The following GFPT2 variants were observed in gnomAD, a reference collection of about 807,000 sequenced individuals.
GFPT2 encodes the protein glutamine--fructose-6-phosphate aminotransferase [isomerizing] 2.
A neutral mutation model predicts 85.6 loss-of-function variants in GFPT2; 62 were observed. The ratio of observed to expected loss-of-function variants is 0.72; its 90% CI spans 0.59 to 0.90. The LOEUF (loss-of-function observed/expected upper bound fraction) is 0.90, where lower values mean the gene tolerates loss of function less well. Among genes scored for constraint, GFPT2 ranks in the 40% least tolerant of loss-of-function variants. GFPT2 has a pLI of 0.00. For missense variants in GFPT2, 788 were observed against 893.4 expected, an observed-to-expected ratio of 0.88 and a Z score of 1.50; for synonymous variants, 368 against 344.5, an observed-to-expected ratio of 1.07 and a Z score of -0.75.
intron 16 of GFPT2, among the ~76,000 whole-genome samples, chr5:180,305,330 CTTCAG>C (rs571752824): frequency 8.1e-4 from 124 of 152,322 alleles, no homozygotes; most frequent in African/African-American, 2.9e-3. Flanking sequence ...TTAGCTACAC[CTTCAG>C]TTAATTATCT....
Position 180,301,492 on chromosome 5 carries a change from G to A in GFPT2, c.*72C>T. The A allele has an allele frequency of 8.0e-7, 1 of 1,256,918 alleles. No individual in the cohort carries two copies. The highest frequency in any genetic ancestry group is 1.2e-6 in the Non-Finnish European group (1 of 853,902). The allele number at this position is 1,256,918 out of a possible 1,614,324, so 77.9% of individuals were successfully genotyped here. On this transcript the variant is annotated 3_prime_UTR_variant, in exon 19 of 19. Coordinates refer to ENST00000253778, the MANE Select transcript of GFPT2 (RefSeq NM_005110.4). ...GTGGGATGTCCACTTCTCTTCCCAT[G>A]TAGCATCCCTGCTGTTGGGACAGGT...
In GFPT2 at chr5:180,316,744, C is replaced by A. The variant is rs371202358; in HGVS notation, c.1152+20G>T. 6.4e-7 allele frequency: 1 copy of A among 1,551,430 alleles called. No individual in the cohort carries two copies. Among genetic ancestry groups the A allele is most frequent in the Non-Finnish European group, 8.9e-7 (1 of 1,124,564 alleles). On this transcript the variant is annotated intron_variant, in intron 12 of 18. Transcript: ENST00000253778. Reference sequence around the variant, plus strand: ...TCCTAGACTGCCGTCGACTTCCCCACGCACATGTGTCACACTTACAGCCAC... The same window carrying A: ...TCCTAGACTGCCGTCGACTTCCCCAAGCACATGTGTCACACTTACAGCCAC...
intron 10 of GFPT2, among the ~76,000 whole-genome samples, chr5:180,317,511 G>A (rs1353059240): frequency 6.9e-6 from 1 of 145,064 alleles, no homozygotes; most frequent in Non-Finnish European, 1.5e-5. Flanking sequence ...TGTAATCCCA[G>A]CACTTTGGGA....
chr5:180,347,107 G>C (rs1373720857), intron 1 of GFPT2, among the ~76,000 whole-genome samples: 1 of 152,240 alleles, frequency 6.6e-6, no homozygotes, highest in Non-Finnish European at 1.5e-5. Flanking sequence ...GCTGGACAGG[G>C]AGGTGCCTTC....
chr5:180,304,638 C>G, intron 17 of GFPT2, 134 bp downstream of exon 17: 2 of 818,360 alleles, frequency 2.4e-6, no homozygotes, highest in South Asian at 1.6e-5. Flanking sequence ...CCACAGGCGG[C>G]CCGGGGGAGG....
At chr5:180,338,689 T>C in intron 1 of GFPT2, 89 bp from the exon 2 acceptor site, 1 of 738,440 alleles carries the variant, frequency 1.4e-6, no homozygotes, top group South Asian at 1.7e-5. Flanking sequence ...CGAGGTGGCA[T>C]CACAAAGGTC....
rs1358122674 is a variant in GFPT2 at position 180,329,235 on chromosome 5, G to C, written c.535-897C>G. ...GTGGTCAGCGTGTCGGGTCCAGGTTGCCAACTCAGCTACAGGGCCAGGAAC... is the reference window on the plus strand; with the variant it reads ...GTGGTCAGCGTGTCGGGTCCAGGTTCCCAACTCAGCTACAGGGCCAGGAAC... On this transcript the variant is annotated intron_variant, in intron 6 of 18. Transcript: ENST00000253778. Among the ~76,000 whole-genome samples the C allele has an allele frequency of 1.3e-5, 2 of 152,164 alleles. 1 individual carries two copies. The highest frequency in any genetic ancestry group is 2.9e-5 in the Non-Finnish European group (2 of 68,032).
chr5:180,305,044 A>G, intron 16 of GFPT2, 105 bp from the exon 17 acceptor site: 1 of 814,278 alleles, frequency 1.2e-6, no homozygotes, highest in Non-Finnish European at 2.0e-6. Flanking sequence ...TCTGGAAGGC[A>G]GAGAGCCAAG....
At chr5:180,312,162 CCAGGGAGG>C (rs1408681022) in intron 15 of GFPT2, among the ~76,000 whole-genome samples, 12 of 58,880 alleles carry the variant, frequency 2.0e-4, no homozygotes, top group Admixed American at 1.8e-3. Context: ...AGGCTGAGGA[CCAGGGAGG>C]CAGGGAGGCT....
chr5:180,317,149 C>T, intron 10 of GFPT2, 91 bp from the exon 11 acceptor site: 2 of 873,050 alleles, frequency 2.3e-6, no homozygotes, highest in Non-Finnish European at 3.9e-6. Flanking sequence ...GTAAAGCTTA[C>T]TGCAGATTCC....
chr5:180,331,010 C>T (rs1452316938), intron 5 of GFPT2, 176 bp from the exon 6 acceptor site: 33 of 603,494 alleles, frequency 5.5e-5, no homozygotes, highest in Non-Finnish European at 9.3e-5. Context: ...CTGAGTCACT[C>T]CCGGAGGCCC....
intron 9 of GFPT2, among the ~76,000 whole-genome samples, chr5:180,322,936 G>C (rs1331779229): frequency 6.6e-6 from 1 of 152,036 alleles, no homozygotes; most frequent in Non-Finnish European, 1.5e-5. Context: ...CTCAGAGGCT[G>C]AGGCAGGAGA....
At chr5:180,315,301 C>CCT (rs1763983868) in intron 13 of GFPT2, among the ~76,000 whole-genome samples, 2 of 152,088 alleles carry the variant, frequency 1.3e-5, no homozygotes, top group East Asian at 1.9e-4. Context: ...CCTCAGCCTC[C>CCT]TGAGTAGCCG....
chr5:180,309,695 A>G (rs913339571), intron 15 of GFPT2, among the ~76,000 whole-genome samples: 1 of 152,138 alleles, frequency 6.6e-6, no homozygotes, highest in Non-Finnish European at 1.5e-5. Context: ...TACAGGCATG[A>G]GCCACCACGC....
chr5:180,325,038 C>G (rs1377705055), intron 7 of GFPT2, 143 bp from the exon 8 acceptor site: 2 of 649,716 alleles, frequency 3.1e-6, no homozygotes, highest in East Asian at 5.4e-5. Flanking sequence ...GGACGGACGC[C>G]TGGAGCACAG....
Position 180,323,016 on chromosome 5 carries a change from CAG to C in GFPT2, c.794+1170_794+1171del, listed in dbSNP as rs1297835918. Among the ~76,000 whole-genome samples, 3 of 151,944 alleles carry C rather than the reference CAG, an allele frequency of 2.0e-5. No individual in the cohort carries two copies. Among genetic ancestry groups the C allele is most frequent in the African/African-American group, 7.3e-5 (3 of 41,346 alleles). ...CACCACTGCACTCCAGTCTGGGCGA[CAG>C]AGTGAGACAAAATAAATAAATAAAT... On this transcript the variant is annotated intron_variant, in intron 9 of 18. Coordinates refer to ENST00000253778, the MANE Select transcript of GFPT2 (RefSeq NM_005110.4). The surrounding 1 kb of genome is among the most constrained non-coding windows in gnomAD (Gnocchi z 4.0).
At position 180,328,439 on chromosome 5, in the gene GFPT2, G is replaced by A; in HGVS notation, c.535-101C>T. The A allele has an allele frequency of 1.1e-6, 1 of 910,420 alleles. No homozygotes were observed. The allele number at this position is 910,420 out of a possible 1,614,324, so 56.4% of individuals were successfully genotyped here. On this transcript the variant is annotated intron_variant, in intron 6 of 18. Coordinates refer to ENST00000253778, the MANE Select transcript of GFPT2 (RefSeq NM_005110.4). This position sits in a 1 kb window ranked among gnomAD's most constrained non-coding sequence, Gnocchi z 5.4. ...CTCCCTGGGCCCCTCCTGATGGCGGGAGGTCCTGGGGTCCCTCGGGGAGCT... is the reference window on the plus strand; with the variant it reads ...CTCCCTGGGCCCCTCCTGATGGCGGAAGGTCCTGGGGTCCCTCGGGGAGCT...
At chr5:180,346,238 G>A (rs879780986) in intron 1 of GFPT2, among the ~76,000 whole-genome samples, 2 of 152,144 alleles carry the variant, frequency 1.3e-5, no homozygotes, top group South Asian at 2.1e-4. Context: ...TCACAGCCAG[G>A]TCTGCCTTTT....
intron 4 of GFPT2, among the ~76,000 whole-genome samples, chr5:180,335,087 C>G (rs1312030230): frequency 6.6e-6 from 1 of 152,244 alleles, no homozygotes; most frequent in Non-Finnish European, 1.5e-5. Context: ...CCAAGGACAG[C>G]AGGTGCAGCA....
Sources: allele counts gnomAD v4.1 joint callset (sites outside exome capture counted in the v4.1 genomes callset), GRCh38; gene constraint gnomAD v4.1.1; non-coding constraint Gnocchi (gnomAD v3.1); transcripts MANE v1.5; gene names NCBI Gene and HGNC (gene_info 2026-07-23, HGNC 2026-07-21).